Variants in GPD2 observed in about 807,000 individuals in gnomAD.
GPD2 encodes the protein glycerol-3-phosphate dehydrogenase, mitochondrial.
GPD2 carries 54 observed loss-of-function variants against 82.4 expected under a neutral mutation model. The observed-to-expected ratio is 0.66, with a 90% CI of 0.53 to 0.82. The LOEUF is 0.82. Among genes scored for constraint, GPD2 ranks in the 40% least tolerant of loss-of-function variants. The pLI is 0.00. For missense variants in GPD2, 748 were observed against 896.2 expected, an observed-to-expected ratio of 0.83 and a Z score of 2.11; for synonymous variants, 288 against 306.1, an observed-to-expected ratio of 0.94 and a Z score of 0.62.
chr2:156,555,590 A>G (rs1481127566), intron 8 of GPD2, among the ~76,000 whole-genome samples: 1 of 152,154 alleles, frequency 6.6e-6, no homozygotes, highest in African/African-American at 2.4e-5. Context: ...TCTCATTTCT[A>G]ATCTCAAAGT....
chr2:156,493,436 T>G (rs1280336050), intron 2 of GPD2, among the ~76,000 whole-genome samples: 1 of 151,964 alleles, frequency 6.6e-6, no homozygotes, highest in Non-Finnish European at 1.5e-5. Context: ...ATGTAAGAGG[T>G]GTTTATTATT....
At chr2:156,579,361 C>G (rs1392894894) in intron 15 of GPD2, among the ~76,000 whole-genome samples, 197 bp downstream of exon 15, 1 of 140,932 alleles carries the variant, frequency 7.1e-6, no homozygotes, top group Admixed American at 7.4e-5. Flanking sequence ...GAGTCTCACT[C>G]TGTTGCCCAG....
intron 8 of GPD2, among the ~76,000 whole-genome samples, chr2:156,551,797 C>G (rs773749333): frequency 3.9e-5 from 6 of 152,020 alleles, no homozygotes; most frequent in Non-Finnish European, 8.8e-5. Context: ...ATTTTATGTG[C>G]TGTAGGTTCT....
intron 2 of GPD2, among the ~76,000 whole-genome samples, chr2:156,488,532 T>C (rs1684030513): frequency 6.6e-6 from 1 of 152,184 alleles, no homozygotes; most frequent in Non-Finnish European, 1.5e-5. Flanking sequence ...TTGCCTGTGG[T>C]CTTTAAATAT....
intron 13 of GPD2, among the ~76,000 whole-genome samples, chr2:156,576,319 G>A (rs1687819740): frequency 6.6e-6 from 1 of 152,150 alleles, no homozygotes; most frequent in South Asian, 2.1e-4. Context: ...TAATTGTATT[G>A]TATGACAAAC....
intron 12 of GPD2, 102 bp from the exon 13 acceptor site, chr2:156,571,032 T>A: frequency 1.2e-6 from 1 of 849,844 alleles, no homozygotes. Flanking sequence ...AAGAAAAATA[T>A]TACCTTTGTG....
chr2:156,517,670 A>T (rs1685249692), intron 6 of GPD2, among the ~76,000 whole-genome samples: 1 of 152,198 alleles, frequency 6.6e-6, no homozygotes, highest in African/African-American at 2.4e-5. Flanking sequence ...GAAAGTGTTT[A>T]GGGCATGGCA....
intron 6 of GPD2, among the ~76,000 whole-genome samples, chr2:156,545,331 G>C (rs1401788104): frequency 6.6e-6 from 1 of 152,200 alleles, no homozygotes; most frequent in Non-Finnish European, 1.5e-5. Context: ...CTCAGTCTGA[G>C]ACAATGAAGC....
At chr2:156,437,355 G>T (rs938027100) in intron 1 of GPD2, among the ~76,000 whole-genome samples, 6 of 152,096 alleles carry the variant, frequency 3.9e-5, no homozygotes, top group Admixed American at 6.5e-5. Context: ...TTTCTTTTTG[G>T]CGTGTGGACG....
At chr2:156,491,072 A>G (rs1005947357) in intron 2 of GPD2, among the ~76,000 whole-genome samples, 1 of 152,192 alleles carries the variant, frequency 6.6e-6, no homozygotes, top group Non-Finnish European at 1.5e-5. Context: ...TATCAGCCTC[A>G]CCATTCTTTC....
the GPD2 span, among the ~76,000 whole-genome samples, chr2:156,401,364 C>T: frequency 6.6e-6 from 1 of 151,010 alleles, no homozygotes; most frequent in Admixed American, 6.6e-5. Context: ...AAAACATTAA[C>T]ATTTACAAAA....
chr2:156,466,209 C>T (rs925054110), intron 1 of GPD2, among the ~76,000 whole-genome samples: 2 of 152,206 alleles, frequency 1.3e-5, no homozygotes, highest in African/African-American at 4.8e-5. Flanking sequence ...AACACAAATC[C>T]GTGAATATAT....
intron 3 of GPD2, among the ~76,000 whole-genome samples, chr2:156,504,210 C>T (rs1684701667): frequency 6.6e-6 from 1 of 151,982 alleles, no homozygotes; most frequent in African/African-American, 2.4e-5. Context: ...GTATCGTGAT[C>T]GTGAGGATTA....
At position 156,552,032 on chromosome 2, in the gene GPD2, T is replaced by G. The variant is rs554242997; in HGVS notation, c.971+1286T>G. ...GAATGCTATCCTGCTATGCTATAGA[T>G]CATGCTGCCTTTTTAGTTGTTGGTT... On this transcript the variant is annotated intron_variant, in intron 8 of 16. Coordinates refer to ENST00000438166, the MANE Select transcript of GPD2 (RefSeq NM_000408.5). 3.9e-5 allele frequency among the ~76,000 whole-genome samples: 6 copies of G among 152,358 alleles called. No homozygotes were observed. In the South Asian group the frequency reaches 6.2e-4, roughly 16 times the overall value.
the GPD2 span, among the ~76,000 whole-genome samples, chr2:156,416,572 A>G: frequency 6.9e-6 from 1 of 144,544 alleles, no homozygotes; most frequent in African/African-American, 2.6e-5. Context: ...TATGTTGCCC[A>G]GGCTGGCCTC....
chr2:156,493,043 T>G (rs949409333), intron 2 of GPD2, among the ~76,000 whole-genome samples: 1 of 152,162 alleles, frequency 6.6e-6, no homozygotes, highest in Non-Finnish European at 1.5e-5. Flanking sequence ...TGATATGGGG[T>G]ACATAAGATT....
At chr2:156,499,001 A>G (rs1684489051) in intron 3 of GPD2, among the ~76,000 whole-genome samples, 1 of 152,152 alleles carries the variant, frequency 6.6e-6, no homozygotes, top group Admixed American at 6.6e-5. Context: ...GTGAAAATAC[A>G]AGGAAAGAGA....
chr2:156,441,365 C>T (rs1028072536), intron 1 of GPD2, among the ~76,000 whole-genome samples: 3 of 151,932 alleles, frequency 2.0e-5, no homozygotes, highest in Non-Finnish European at 4.4e-5. Context: ...CAGCCTGGGC[C>T]ACGTGGAGAG....
chr2:156,490,462 T>G (rs1273450261), intron 2 of GPD2, among the ~76,000 whole-genome samples: 1 of 152,006 alleles, frequency 6.6e-6, no homozygotes, highest in Non-Finnish European at 1.5e-5. Flanking sequence ...CCCTTAATAG[T>G]GCTGTATGTT....
Sources: allele counts gnomAD v4.1 joint callset (sites outside exome capture counted in the v4.1 genomes callset), GRCh38; gene constraint gnomAD v4.1.1; transcripts MANE v1.5; gene names NCBI Gene and HGNC (gene_info 2026-07-23, HGNC 2026-07-21).